The following PCDHGA2 variants were observed in gnomAD, a reference collection of about 807,000 sequenced individuals.
The protein encoded by PCDHGA2 is protocadherin gamma subfamily A, 2.
A neutral mutation model predicts 59.2 loss-of-function variants in PCDHGA2; 40 were observed. The ratio of observed to expected loss-of-function variants is 0.68; its 90% CI spans 0.52 to 0.88. The LOEUF (loss-of-function observed/expected upper bound fraction) is 0.88, where lower values mean the gene tolerates loss of function less well. PCDHGA2 is among the 40% of genes least tolerant of loss of function. PCDHGA2 has a pLI of 0.00. For synonymous variants in PCDHGA2, 560 were observed against 526.0 expected, an observed-to-expected ratio of 1.06 and a Z score of -0.89; for missense variants, 1,226 against 1,204.0, an observed-to-expected ratio of 1.02 and a Z score of -0.27.
At chr5:141,449,016 C>T (rs2098623330) in intron 1 of PCDHGA2, among the ~76,000 whole-genome samples, 1 of 152,008 alleles carries the variant, frequency 6.6e-6, no homozygotes, top group African/African-American at 2.4e-5. Context: ...TTAACAGTTG[C>T]TTAGCATTCC....
In PCDHGA2 at chr5:141,477,967, C is replaced by T. The variant is rs756216038; in HGVS notation, c.2425-16840C>T. Reference sequence around the variant, plus strand: ...GTCTCTTGGGATCCCCTAACCAGAGCCTTTTTGCCATAGGGCTGCACACTG... The same window carrying T: ...GTCTCTTGGGATCCCCTAACCAGAGTCTTTTTGCCATAGGGCTGCACACTG... On this transcript the variant is annotated intron_variant, in intron 1 of 3. Coordinates refer to ENST00000394576, the MANE Select transcript of PCDHGA2 (RefSeq NM_018915.4). This position sits in a 1 kb window ranked among gnomAD's most constrained non-coding sequence, Gnocchi z 4.9. The T allele has an allele frequency of 8.7e-6, 14 of 1,614,032 alleles. No individual in the cohort carries two copies. In the South Asian group the frequency reaches 1.2e-4, roughly 14 times the overall value.
chr5:141,423,101 G>A (rs757127033), intron 1 of PCDHGA2: 3 of 1,613,966 alleles, frequency 1.9e-6, no homozygotes, highest in South Asian at 1.1e-5. Context: ...GAGCACACGG[G>A]CGAGGTGCGT....
chr5:141,425,119 T>G (rs1234720658), intron 1 of PCDHGA2, among the ~76,000 whole-genome samples: 1 of 152,220 alleles, frequency 6.6e-6, no homozygotes, highest in Non-Finnish European at 1.5e-5. Context: ...ACATTTTTCT[T>G]GAAGTCAAGA....
intron 1 of PCDHGA2, chr5:141,372,919 A>AT (rs1186389143): frequency 7.2e-5 from 73 of 1,017,918 alleles, no homozygotes; most frequent in Non-Finnish European, 9.7e-5. Context: ...TATTTTATTG[A>AT]TTTTCTGGTG....
chr5:141,435,194 C>G (rs538114313), intron 1 of PCDHGA2, among the ~76,000 whole-genome samples: 85 of 152,214 alleles, frequency 5.6e-4, no homozygotes, highest in Middle Eastern at 6.8e-3. Flanking sequence ...AGATGGCTAG[C>G]AAATTCATAA....
Position 141,397,579 on chromosome 5 carries a change from A to G in PCDHGA2, c.2424+56184A>G, listed in dbSNP as rs73279085. Among the ~76,000 whole-genome samples, 1,264 of 152,334 alleles carry G rather than the reference A, an allele frequency of 8.3e-3. 17 individuals are homozygous for G. Among genetic ancestry groups the G allele is most frequent in the African/African-American group, 0.029 (1,200 of 41,570 alleles). On this transcript the variant is annotated intron_variant, in intron 1 of 3. Coordinates refer to ENST00000394576, the MANE Select transcript of PCDHGA2 (RefSeq NM_018915.4). ...AGGCTCTGAGAGCAAGAACTGTATCATATTAATTATTATATTGCCAGTGAC... is the reference window on the plus strand; with the variant it reads ...AGGCTCTGAGAGCAAGAACTGTATCGTATTAATTATTATATTGCCAGTGAC...
At chr5:141,428,241 A>C (rs1416124194) in intron 1 of PCDHGA2, 1 of 961,518 alleles carries the variant, frequency 1.0e-6, no homozygotes, top group Admixed American at 2.0e-5. Flanking sequence ...TGCAGGAGGC[A>C]CTGCCAGACT....
rs114492681 is a variant in PCDHGA2, at chr5:141,408,401, C to A, written c.2424+67006C>A. 1.5e-3 allele frequency: 2,364 copies of A among 1,614,010 alleles called. 32 individuals are homozygous for A. The African/African-American group carries it at 0.028, about 19-fold the overall frequency. On this transcript the variant is annotated intron_variant, in intron 1 of 3. Coordinates refer to ENST00000394576, the MANE Select transcript of PCDHGA2 (RefSeq NM_018915.4). ...CCTGGATGTGTCGGCTCGCAAGCTG[C>A]GAGTGAGCGCGGAGAAGCTGCACTT...
chr5:141,346,543 T>C, intron 1 of PCDHGA2: 1 of 1,545,946 alleles, frequency 6.5e-7, no homozygotes, highest in Non-Finnish European at 8.8e-7. Flanking sequence ...ATTTGAGAAA[T>C]AAAGCCATGA....
Position 141,399,994 on chromosome 5 carries a change from C to T in PCDHGA2, c.2424+58599C>T, listed in dbSNP as rs538358679. 27 of 1,612,262 alleles carry T rather than the reference C, an allele frequency of 1.7e-5. No individual in the cohort carries two copies. The East Asian group carries it at 1.8e-4, about 11-fold the overall frequency. On this transcript the variant is annotated intron_variant, in intron 1 of 3. Coordinates refer to ENST00000394576, the MANE Select transcript of PCDHGA2 (RefSeq NM_018915.4). ...CCTGGGGCTGCGCACAGGAGAGGTG[C>T]GCACAGCGCGTGCCTTGGGCGACAG...
At chr5:141,355,771 T>C (rs1160027293) in intron 1 of PCDHGA2, 3 of 1,613,870 alleles carry the variant, frequency 1.9e-6, no homozygotes, top group Non-Finnish European at 2.5e-6. Context: ...TGGGATTAAG[T>C]ACCCAGAGCT....
At chr5:141,357,471 C>T in intron 1 of PCDHGA2, 1 of 1,614,206 alleles carries the variant, frequency 6.2e-7, no homozygotes, top group Non-Finnish European at 8.5e-7. Context: ...CCCACGAGGT[C>T]TCCCTCACCG....
chr5:141,376,686 T>G (rs543583265), intron 1 of PCDHGA2: 153 of 814,322 alleles, frequency 1.9e-4, no homozygotes, highest in Middle Eastern at 1.5e-3. Flanking sequence ...GTTTTTTTTT[T>G]TTTTTTTTTT....
In PCDHGA2 at chr5:141,432,866, G is replaced by A; in HGVS notation, c.2425-61941G>A. The A allele has an allele frequency of 6.2e-7, 1 of 1,614,152 alleles. No individual in the cohort carries two copies. The highest frequency in any genetic ancestry group is 8.5e-7 in the Non-Finnish European group (1 of 1,180,008). On this transcript the variant is annotated intron_variant, in intron 1 of 3. Transcript: ENST00000394576. This position sits in a 1 kb window ranked among gnomAD's most constrained non-coding sequence, Gnocchi z 6.0. ...GGTAGCGGTGGCCGCGGTCTCCTGC[G>A]TCTTCCTGGCCTTCGTCATCTTGCT...
chr5:141,404,592 C>T, intron 1 of PCDHGA2: 1 of 1,614,048 alleles, frequency 6.2e-7, no homozygotes, highest in African/African-American at 1.3e-5. Flanking sequence ...AGCAATGTGT[C>T]ATTGAGACTG....
chr5:141,450,977 A>G (rs2098702822), intron 1 of PCDHGA2, among the ~76,000 whole-genome samples: 1 of 151,760 alleles, frequency 6.6e-6, no homozygotes, highest in African/African-American at 2.4e-5. Context: ...GGCATGTGCC[A>G]CCACACCCGG....
chr5:141,485,735 G>C lies in PCDHGA2; in HGVS notation c.2425-9072G>C, dbSNP rs1562107417. ...ACTGGATGTGAAGAAGCGCAGCGAC[G>C]GCAGCCTGGTCCCAGAGCTGCTCCT... is the stretch of plus-strand genomic sequence containing the variant. On this transcript the variant is annotated intron_variant, in intron 1 of 3. Coordinates refer to ENST00000394576, the MANE Select transcript of PCDHGA2 (RefSeq NM_018915.4). This position sits in a 1 kb window ranked among gnomAD's most constrained non-coding sequence, Gnocchi z 5.7. 2.5e-6 allele frequency: 4 copies of C among 1,614,048 alleles called. No individual in the cohort carries two copies. The highest frequency in any genetic ancestry group is 3.4e-6 in the Non-Finnish European group (4 of 1,180,044).
chr5:141,412,093 GCA>G (rs1252719565), intron 1 of PCDHGA2: 2 of 152,146 alleles, frequency 1.3e-5, no homozygotes, highest in Non-Finnish European at 2.9e-5. Flanking sequence ...GGGTTGATGG[GCA>G]CACACAGTTG....
intron 1 of PCDHGA2, among the ~76,000 whole-genome samples, chr5:141,354,830 T>C (rs1759646674): frequency 6.6e-6 from 1 of 151,920 alleles, no homozygotes; most frequent in South Asian, 2.1e-4. Context: ...ACAGGAAGAC[T>C]TGGATCATTC....
Sources: allele counts gnomAD v4.1 joint callset (sites outside exome capture counted in the v4.1 genomes callset), GRCh38; gene constraint gnomAD v4.1.1; non-coding constraint Gnocchi (gnomAD v3.1); transcripts MANE v1.5; gene names NCBI Gene and HGNC (gene_info 2026-07-23, HGNC 2026-07-21).